FANK1: variants seen among roughly 807,000 people sequenced by gnomAD.
FANK1 encodes the protein fibronectin type 3 and ankyrin repeat domains protein 1.
A neutral mutation model predicts 45.3 loss-of-function variants in FANK1; 44 were observed. The observed-to-expected ratio is 0.97, with a 90% CI of 0.76 to 1.25. The LOEUF (loss-of-function observed/expected upper bound fraction) is 1.25. Among genes scored for constraint, FANK1 ranks in the 50% most tolerant of loss-of-function variants. The pLI is 0.00. For synonymous variants in FANK1, 149 were observed against 152.5 expected (o/e 0.98, Z 0.17); for missense variants, 391 against 424.4 (o/e 0.92, Z 0.69).
At chr10:125,941,929 G>C (rs188939410) in intron 1 of FANK1, among the ~76,000 whole-genome samples, 77 of 152,286 alleles carry the variant, frequency 5.1e-4, no homozygotes, top group African/African-American at 1.8e-3. Flanking sequence ...GGTGTCTTTG[G>C]GGGTTATTCA....
intron 1 of FANK1, among the ~76,000 whole-genome samples, chr10:125,979,625 T>C (rs1951072588): frequency 6.6e-6 from 1 of 152,246 alleles, no homozygotes; most frequent in African/African-American, 2.4e-5. Flanking sequence ...TGAGCATCTT[T>C]CCAGATATTA....
chr10:125,977,270 T>C (rs1222016895), intron 1 of FANK1, among the ~76,000 whole-genome samples: 1 of 152,216 alleles, frequency 6.6e-6, no homozygotes. Context: ...ACTTCTTTTC[T>C]GGATGTTTTC....
intron 1 of FANK1, among the ~76,000 whole-genome samples, chr10:125,949,593 C>T (rs1234081791): frequency 6.8e-6 from 1 of 146,660 alleles, no homozygotes. Flanking sequence ...AACTACAAAC[C>T]ACTGCTCAAG....
chr10:125,908,893 T>C (rs1190735349), intron 1 of FANK1, among the ~76,000 whole-genome samples: 1 of 152,302 alleles, frequency 6.6e-6, no homozygotes, highest in Non-Finnish European at 1.5e-5. Flanking sequence ...TCATTTGTTA[T>C]ACAACAATAG....
intron 1 of FANK1, among the ~76,000 whole-genome samples, chr10:125,901,388 T>C (rs1201702374): frequency 6.6e-6 from 1 of 152,352 alleles, no homozygotes; most frequent in African/African-American, 2.4e-5. Context: ...GTGTAAGTTA[T>C]GATTGTGATT....
At chr10:125,965,165 TAAATAAAC>T (rs1219725397) in intron 1 of FANK1, among the ~76,000 whole-genome samples, 2 of 152,124 alleles carry the variant, frequency 1.3e-5, no homozygotes, top group African/African-American at 2.4e-5. Context: ...TCTAAATAAA[TAAATAAAC>T]AAATAAACAA....
chr10:125,920,086 C>A (rs1946837701), intron 1 of FANK1, among the ~76,000 whole-genome samples: 1 of 152,130 alleles, frequency 6.6e-6, no homozygotes, highest in African/African-American at 2.4e-5. Context: ...TCCTGTCTCT[C>A]GTACTCTCTG....
chr10:125,973,398 C>T (rs1450557526), intron 1 of FANK1: 1 of 984,074 alleles, frequency 1.0e-6, no homozygotes, highest in African/African-American at 1.7e-5. Context: ...ATCATTTGTT[C>T]AACACTGATG....
rs1949110637 is a variant in FANK1 at position 125,950,231 on chromosome 10, A to G, written c.14-29930A>G. ...GCAAGGACTTCATGTCCAAAACACC[A>G]AAAGCAATGGCAGCAAAAGCCAAAA... On this transcript the variant is annotated intron_variant, in intron 1 of 10. Transcript: ENST00000368693. 2.6e-5 allele frequency among the ~76,000 whole-genome samples: 4 copies of G among 151,630 alleles called. No individual in the cohort carries two copies. In the South Asian group the frequency reaches 8.4e-4, roughly 32 times the overall value.
intron 3 of FANK1, among the ~76,000 whole-genome samples, chr10:125,992,489 C>A (rs1006675116): frequency 5.9e-5 from 9 of 152,126 alleles, no homozygotes; most frequent in Non-Finnish European, 1.2e-4. Flanking sequence ...TTATGTCATT[C>A]CCCTCTCTTC....
At chr10:125,999,159 A>C (rs1262590705) in intron 6 of FANK1, among the ~76,000 whole-genome samples, 4 of 151,426 alleles carry the variant, frequency 2.6e-5, no homozygotes, top group Non-Finnish European at 5.9e-5. Context: ...GATGCAAAAC[A>C]AAAATTGGGT....
chr10:125,946,416 A>T (rs1207370724), intron 1 of FANK1, among the ~76,000 whole-genome samples: 3 of 151,684 alleles, frequency 2.0e-5, no homozygotes, highest in African/African-American at 7.3e-5. Flanking sequence ...TGCTTAAAGG[A>T]GCTGATGGAG....
chr10:125,912,695 TG>T (rs1430404249), intron 1 of FANK1, among the ~76,000 whole-genome samples: 1 of 152,210 alleles, frequency 6.6e-6, no homozygotes, highest in Non-Finnish European at 1.5e-5. Flanking sequence ...TGGAGTGCAG[TG>T]GCCCAGTCTT....
rs60267961 is a variant in FANK1, at chr10:125,993,962, T to C, written c.317-1455T>C. Reference sequence around the variant, plus strand: ...CCTGTCTCACTGTTTTCCCAGTTTGTACATTGCCCAATTCACTTGGCACCA... The same window carrying C: ...CCTGTCTCACTGTTTTCCCAGTTTGCACATTGCCCAATTCACTTGGCACCA... On this transcript the variant is annotated intron_variant, in intron 3 of 10. Transcript: ENST00000368693. 4.9e-3 allele frequency among the ~76,000 whole-genome samples: 745 copies of C among 152,342 alleles called. 7 individuals carry two copies. Among genetic ancestry groups the C allele is most frequent in the African/African-American group, 0.016 (677 of 41,584 alleles).
At chr10:125,977,509 T>C (rs1282658895) in intron 1 of FANK1, among the ~76,000 whole-genome samples, 1 of 152,154 alleles carries the variant, frequency 6.6e-6, no homozygotes, top group Non-Finnish European at 1.5e-5. Context: ...AAACTGTGTG[T>C]TCCTCTCCCA....
At chr10:125,947,779 A>G (rs1948917489) in intron 1 of FANK1, among the ~76,000 whole-genome samples, 2 of 133,714 alleles carry the variant, frequency 1.5e-5, no homozygotes, top group African/African-American at 5.3e-5. Context: ...AGACATCTAC[A>G]GAACTCTCCA....
Position 125,938,292 on chromosome 10 carries a change from A to AT in FANK1, c.13+41639dup, listed in dbSNP as rs1024233472. 2.2e-4 allele frequency among the ~76,000 whole-genome samples: 14 copies of AT among 63,530 alleles called. No individual in the cohort carries two copies. The East Asian group carries it at 6.0e-3, about 27-fold the overall frequency. The allele number at this position is 63,530 out of a possible 152,430, so 41.7% of individuals were successfully genotyped here. On this transcript the variant is annotated intron_variant, in intron 1 of 10. Transcript: ENST00000368693. ...CTGGAGTGAATAGTATGAATTTATG[A>AT]TTAAAAAAAAAATCCTGACTGTCCA...
At chr10:125,993,304 A>C (rs942369203) in intron 3 of FANK1, among the ~76,000 whole-genome samples, 19 of 152,210 alleles carry the variant, frequency 1.2e-4, no homozygotes, top group African/African-American at 4.6e-4. Context: ...ATGGGATAAC[A>C]GAGACTTTTA....
chr10:125,994,473 C>G, intron 3 of FANK1: 1 of 985,204 alleles, frequency 1.0e-6, no homozygotes, highest in Middle Eastern at 5.2e-4. Context: ...GCTGGGCGTA[C>G]AGTTGGAGTA....
Sources: gnomAD v4.1 joint callset for allele counts (sites outside exome capture counted in the v4.1 genomes callset) on GRCh38, gnomAD v4.1.1 for gene constraint, MANE v1.5 for transcripts, NCBI Gene and HGNC (gene_info 2026-07-23, HGNC 2026-07-21) for gene names.